Variants in ATL1 observed in about 807,000 individuals in gnomAD.
ATL1 encodes the protein atlastin-1.
In ATL1, 31 loss-of-function variants were observed where a neutral mutation model predicts 75.5. The ratio of observed to expected loss-of-function variants is 0.41; its 90% confidence interval spans 0.31 to 0.55. The LOEUF is 0.55. Ranked by LOEUF, ATL1 falls within the 20% of genes least tolerant of loss-of-function variation. The pLI is 0.27. For missense variants in ATL1, 405 were observed against 662.6 expected (o/e 0.61, Z 4.27); for synonymous variants, 226 against 233.3 (o/e 0.97, Z 0.28).
At chr14:50,609,603 C>G (rs985680461) in intron 6 of ATL1, among the ~76,000 whole-genome samples, 31 of 151,900 alleles carry the variant, frequency 2.0e-4, no homozygotes, top group African/African-American at 6.8e-4. Context: ...AGTGGAAACT[C>G]TATAGTCCTG....
chr14:50,581,504 A>G (rs1420742409), intron 1 of ATL1, among the ~76,000 whole-genome samples: 1 of 152,190 alleles, frequency 6.6e-6, no homozygotes, highest in African/African-American at 2.4e-5. Flanking sequence ...AAATTGACAA[A>G]TAGATCAGAA....
intron 8 of ATL1, among the ~76,000 whole-genome samples, chr14:50,616,536 A>G (rs988239473): frequency 1.6e-4 from 24 of 151,712 alleles, no homozygotes; most frequent in Non-Finnish European, 3.2e-4. Flanking sequence ...TATGCTGCCC[A>G]GGCTGGTCTT....
Position 50,629,966 on chromosome 14 carries a change from TTTTTC to T in ATL1, c.1552-24_1552-20del, listed in dbSNP as rs202061961. On this transcript the variant is annotated intron_variant, in intron 12 of 13. Coordinates refer to ENST00000358385, the MANE Select transcript of ATL1 (RefSeq NM_015915.5). ...AATAAAGCAGGATATATACTTTTCT[TTTTTC>T]TTTTTAATCTGCCTTTGCCACAGGG... 44,112 of 1,562,272 alleles carry T rather than the reference TTTTTC, an allele frequency of 0.028. 826 individuals are homozygous for T. The highest frequency in any genetic ancestry group is 0.047 in the South Asian group (4,043 of 85,178).
chr14:50,612,350 G>C (rs1216813390), intron 6 of ATL1, among the ~76,000 whole-genome samples: 1 of 152,042 alleles, frequency 6.6e-6, no homozygotes, highest in Non-Finnish European at 1.5e-5. Flanking sequence ...TGTTCAGTTT[G>C]TGAAAATTCA....
At position 50,632,742 on chromosome 14, in the gene ATL1, AAC is replaced by A. The variant is rs1443975537; in HGVS notation, c.*407_*408del. ...TTATTTCACATTAGCCATTTGTTAA[AAC>A]ACAGCATCATAACTCAGCAGGCTGG... On this transcript the variant is annotated 3_prime_UTR_variant, in exon 14 of 14. Transcript: ENST00000358385. 1.4e-5 allele frequency: 3 copies of A among 210,232 alleles called. No individual in the cohort carries two copies. The highest frequency in any genetic ancestry group is 2.9e-5 in the Non-Finnish European group (3 of 103,250). The allele number at this position is 210,232 out of a possible 1,614,324, so 13.0% of individuals were successfully genotyped here.
intron 8 of ATL1, among the ~76,000 whole-genome samples, chr14:50,617,372 C>CT (rs202021790): frequency 2.0e-5 from 3 of 152,040 alleles, no homozygotes; most frequent in Admixed American, 6.5e-5. Flanking sequence ...AGGAGTTATC[C>CT]TTTTTTTTCT....
chr14:50,605,353 C>G (rs1204572109), intron 6 of ATL1, among the ~76,000 whole-genome samples: 1 of 151,832 alleles, frequency 6.6e-6, no homozygotes, highest in Non-Finnish European at 1.5e-5. Context: ...ACAAATTTGT[C>G]TTGATTTCTA....
rs1205953547 is a variant in ATL1, at chr14:50,613,338, A to T, written c.710A>T (p.Glu237Val). The T allele has an allele frequency of 6.2e-7, 1 of 1,612,574 alleles. No individual in the cohort carries two copies. The highest frequency in any genetic ancestry group is 1.7e-5 in the Admixed American group (1 of 59,930). The change falls in exon 7 of 14, where the codon GAA (glutamate) becomes GTA (valine). Residue 237 changes from glutamate (E) to valine (V), a missense_variant. By Grantham distance (121) the Glu-to-Val change is moderately radical. Transcript: ENST00000358385. Reference sequence around the variant, plus strand: ...GCCGATGGTGGTGCCAAATTCTTGGAAAAACGCCTCAAGGTTTGTTAGATA... The same window carrying T: ...GCCGATGGTGGTGCCAAATTCTTGGTAAAACGCCTCAAGGTTTGTTAGATA... ...YGADGGAKFL[E>V]KRLKVSGNQH...
chr14:50,574,935 GTGTATATATATATATATATA>G (rs2038989546), intron 1 of ATL1, among the ~76,000 whole-genome samples: 1 of 34,606 alleles, frequency 2.9e-5, no homozygotes, highest in African/African-American at 1.2e-4. Flanking sequence ...GTGTGTGTGT[GTGTATATATATATATATATA>G]TATATATATA....
rs2039537272 is a variant in ATL1, at chr14:50,627,953, T to C, written c.1120-78T>C. Reference sequence around the variant, plus strand: ...ATTAACGTATTCTAACAAACTCAACTAGCTAAGTGAAAAATTTTGATACAG... The same window carrying C: ...ATTAACGTATTCTAACAAACTCAACCAGCTAAGTGAAAAATTTTGATACAG... On this transcript the variant is annotated intron_variant, in intron 11 of 13. Transcript: ENST00000358385. 4 of 1,396,768 alleles carry C rather than the reference T, an allele frequency of 2.9e-6. No homozygotes were observed. The Admixed American group carries it at 7.2e-5, about 25-fold the overall frequency. The allele number at this position is 1,396,768 out of a possible 1,614,324, so 86.5% of individuals were successfully genotyped here.
At chr14:50,613,467 T>C in intron 7 of ATL1, 116 bp downstream of exon 7, 5 of 761,760 alleles carry the variant, frequency 6.6e-6, no homozygotes, top group Non-Finnish European at 1.2e-5. Flanking sequence ...TTGTTATCGA[T>C]ATTAATGACA....
intron 4 of ATL1, among the ~76,000 whole-genome samples, chr14:50,593,593 A>G (rs1195158924): frequency 6.6e-6 from 1 of 152,214 alleles, no homozygotes; most frequent in Non-Finnish European, 1.5e-5. Flanking sequence ...AGGTTCATAA[A>G]ATAATTTTAA....
upstream of ATL1, chr14:50,560,013 G>A (rs1456144480): frequency 3.5e-5 from 20 of 567,674 alleles, no homozygotes; most frequent in Admixed American, 5.1e-4. Context: ...CGGTCTGGGG[G>A]TGGACTGAGG....
chr14:50,628,123 G>C lies in ATL1; in HGVS notation c.1212G>C (p.Gly404=). The C allele has an allele frequency of 6.2e-7, 1 of 1,614,150 alleles. No individual in the cohort carries two copies. Among genetic ancestry groups the C allele is most frequent in the South Asian group, 1.1e-5 (1 of 91,080 alleles). Residue 404 remains glycine, a synonymous_variant, in exon 12 of 14, where the codon GGG becomes GGC. Transcript: ENST00000358385. ...LKEESVKLFR[G]VKKMGGEEFS... ...AAGAATCTGTGAAGCTATTCCGAGG[G>C]GTGAAGAAGATGGGTGGGGAAGAAT...
chr14:50,630,859 G>C, intron 13 of ATL1: 1 of 402,066 alleles, frequency 2.5e-6, no homozygotes, highest in Non-Finnish European at 4.8e-6. Context: ...AAGAGAATTA[G>C]AATTAAATTG....
At chr14:50,592,846 GCA>G (rs1566724595) in intron 4 of ATL1, among the ~76,000 whole-genome samples, 1 of 147,644 alleles carries the variant, frequency 6.8e-6, no homozygotes, top group African/African-American at 2.5e-5. Context: ...AGGAGGCAGA[GCA>G]CTTGCAGTGA....
Position 50,591,517 on chromosome 14 carries a change from TA to T in ATL1, c.418-17del. 1 of 1,545,814 alleles carries T rather than the reference TA, an allele frequency of 6.5e-7. No individual in the cohort carries two copies. Among genetic ancestry groups the T allele is most frequent in the Non-Finnish European group, 8.9e-7 (1 of 1,117,964 alleles). On this transcript the variant is annotated splice_polypyrimidine_tract_variant and intron_variant, in intron 3 of 13. Transcript: ENST00000358385. The stretch of plus-strand genomic sequence containing the variant: ...GATGTTCTATAAAATATCAATAATG[TA>T]CTCTTCTTGCCTGTAGGTTGCAGTG...
At chr14:50,546,979 C>T (rs2038640873) in intron 1 of ATL1, among the ~76,000 whole-genome samples, 1 of 152,008 alleles carries the variant, frequency 6.6e-6, no homozygotes, top group Non-Finnish European at 1.5e-5. Flanking sequence ...TAATGCTATC[C>T]CTCCCCTAGC....
chr14:50,575,593 T>A (rs964368966), intron 1 of ATL1, among the ~76,000 whole-genome samples: 1 of 152,218 alleles, frequency 6.6e-6, no homozygotes, highest in African/African-American at 2.4e-5. Flanking sequence ...CTCTTTAAGT[T>A]CTACTGCTAG....
Sources: allele counts gnomAD v4.1 joint callset (sites outside exome capture counted in the v4.1 genomes callset), GRCh38; gene constraint gnomAD v4.1.1; transcripts MANE v1.5; gene names NCBI Gene and HGNC (gene_info 2026-07-23, HGNC 2026-07-21).